Variants in SNTG1 observed in about 807,000 individuals in gnomAD.
The protein encoded by SNTG1 is syntrophin gamma 1.
A neutral mutation model predicts 74.7 loss-of-function variants in SNTG1; 39 were observed. The ratio of observed to expected loss-of-function variants is 0.52; its 90% CI spans 0.40 to 0.68. SNTG1 has a LOEUF of 0.68. Ranked by LOEUF, SNTG1 falls within the 30% of genes least tolerant of loss-of-function variation. The pLI, the probability that SNTG1 is intolerant of heterozygous loss-of-function variation, is 0.00. For missense variants in SNTG1, 685 were observed against 609.5 expected, an observed-to-expected ratio of 1.12 and a Z score of -1.30; for synonymous variants, 254 against 217.1, an observed-to-expected ratio of 1.17 and a Z score of -1.49.
chr8:50,271,624 C>T (rs1287250585), intron 2 of SNTG1, among the ~76,000 whole-genome samples: 1 of 152,068 alleles, frequency 6.6e-6, no homozygotes, highest in African/African-American at 2.4e-5. Flanking sequence ...AGGTATAATT[C>T]AGTTTTCTTT....
intron 1 of SNTG1, among the ~76,000 whole-genome samples, chr8:50,021,548 A>G (rs1431803958): frequency 1.3e-5 from 2 of 152,114 alleles, no homozygotes; most frequent in African/African-American, 4.8e-5. Flanking sequence ...AACTCTGGGA[A>G]CTCTAGTGGG....
intron 1 of SNTG1, among the ~76,000 whole-genome samples, chr8:50,149,387 T>G (rs942294982): frequency 9.2e-5 from 14 of 152,170 alleles, no homozygotes; most frequent in African/African-American, 4.8e-5. Flanking sequence ...CAGAAGCTCT[T>G]TAGTTTGATT....
At chr8:50,010,182 G>A (rs1815639455) in intron 1 of SNTG1, among the ~76,000 whole-genome samples, 1 of 152,032 alleles carries the variant, frequency 6.6e-6, no homozygotes, top group African/African-American at 2.4e-5. Flanking sequence ...ACTAGTTTGG[G>A]ATTGTGTCCA....
chr8:50,127,490 G>A (rs2081185933), intron 1 of SNTG1, among the ~76,000 whole-genome samples: 3 of 152,158 alleles, frequency 2.0e-5, no homozygotes, highest in Admixed American at 2.0e-4. Flanking sequence ...ACCGCCCAGT[G>A]GGTAGAGGGA....
At position 50,784,351 on chromosome 8, in the gene SNTG1, A is replaced by G. The variant is rs372192093; in HGVS notation, c.1396-8320A>G. ...GTTGCAAATAAAAGGATACAAATAT[A>G]TATATCTTGTATATAATAATGAAAA... On this transcript the variant is annotated intron_variant, in intron 18 of 18. Transcript: ENST00000642720. Among the ~76,000 whole-genome samples the G allele has an allele frequency of 7.2e-5, 11 of 152,308 alleles. No individual in the cohort carries two copies. The East Asian group carries it at 1.9e-3, about 27-fold the overall frequency.
At chr8:50,631,507 A>G (rs1434098044) in intron 13 of SNTG1, among the ~76,000 whole-genome samples, 8 of 152,192 alleles carry the variant, frequency 5.3e-5, no homozygotes, top group Non-Finnish European at 1.2e-4. Context: ...ACCTCATCAA[A>G]TTAACAGTGA....
At chr8:50,766,305 T>C (rs975260020) in intron 18 of SNTG1, among the ~76,000 whole-genome samples, 5 of 152,052 alleles carry the variant, frequency 3.3e-5, no homozygotes, top group Non-Finnish European at 7.4e-5. Context: ...CTGTGAGTGA[T>C]GTCTAAAAGT....
intron 1 of SNTG1, among the ~76,000 whole-genome samples, chr8:49,931,647 AAACT>A (rs1447281370): frequency 1.3e-5 from 2 of 152,244 alleles, no homozygotes; most frequent in Non-Finnish European, 2.9e-5. Context: ...GTTTATAAAC[AAACT>A]AACAAACAAA....
chr8:50,420,971 C>A (rs9643435), intron 4 of SNTG1, among the ~76,000 whole-genome samples: 137,953 of 146,156 alleles, frequency 0.94, 65,395 homozygotes, highest in Non-Finnish European at 1. Flanking sequence ...GTTATGGTGA[C>A]CCAAGACTAT....
At chr8:50,616,472 A>AGCT (rs1238591554) in intron 13 of SNTG1, among the ~76,000 whole-genome samples, 3 of 152,332 alleles carry the variant, frequency 2.0e-5, no homozygotes, top group Non-Finnish European at 1.5e-5. Context: ...AACAGGATTC[A>AGCT]GCTGCTGCTA....
intron 18 of SNTG1, among the ~76,000 whole-genome samples, chr8:50,775,450 T>C (rs1248645579): frequency 6.6e-6 from 1 of 151,836 alleles, no homozygotes; most frequent in African/African-American, 2.4e-5. Flanking sequence ...AAATTATTTT[T>C]GTTTTCTTTC....
intron 2 of SNTG1, among the ~76,000 whole-genome samples, chr8:50,252,383 G>A (rs535463835): frequency 6.6e-6 from 1 of 151,914 alleles, no homozygotes; most frequent in Non-Finnish European, 1.5e-5. Context: ...ACAAAATAGA[G>A]ACTAAAATAA....
chr8:50,114,087 T>TAATA (rs766417968), intron 1 of SNTG1, among the ~76,000 whole-genome samples: 14 of 152,106 alleles, frequency 9.2e-5, no homozygotes, highest in Non-Finnish European at 1.6e-4. Context: ...ATATTCGACA[T>TAATA]AATAACTAAC....
chr8:50,027,905 C>T lies in SNTG1; in HGVS notation c.-103+115674C>T, dbSNP rs566555450. Among the ~76,000 whole-genome samples the T allele has an allele frequency of 3.9e-5, 6 of 152,324 alleles. No homozygotes were observed. The South Asian group carries it at 1.2e-3, about 32-fold the overall frequency. On this transcript the variant is annotated intron_variant, in intron 1 of 18. Transcript: ENST00000642720. ...TTTTAATCTTTTCATTTTGGACTAA[C>T]TCACAGAAAGCTGCAGAAATAGTAC...
At chr8:50,603,866 G>C (rs565968908) in intron 13 of SNTG1, among the ~76,000 whole-genome samples, 1 of 152,252 alleles carries the variant, frequency 6.6e-6, no homozygotes, top group East Asian at 1.9e-4. Flanking sequence ...TGGAGGATGG[G>C]TGATGCAAGA....
intron 18 of SNTG1, among the ~76,000 whole-genome samples, chr8:50,774,797 C>A (rs1364935271): frequency 6.6e-6 from 1 of 151,280 alleles, no homozygotes; most frequent in Non-Finnish European, 1.5e-5. Context: ...AAGTGTATGA[C>A]AATAATAACC....
At chr8:49,963,267 G>A (rs957426806) in intron 1 of SNTG1, among the ~76,000 whole-genome samples, 6 of 151,836 alleles carry the variant, frequency 4.0e-5, no homozygotes, top group Non-Finnish European at 7.3e-5. Flanking sequence ...CTGTATGAAC[G>A]GTTTGCTGCA....
At chr8:50,072,398 T>C (rs547341723) in intron 1 of SNTG1, among the ~76,000 whole-genome samples, 2 of 152,334 alleles carry the variant, frequency 1.3e-5, no homozygotes, top group East Asian at 3.9e-4. Flanking sequence ...GAATATGAGT[T>C]ATTCTTTAGG....
intron 1 of SNTG1, among the ~76,000 whole-genome samples, chr8:50,079,090 G>A (rs1017994434): frequency 1.3e-5 from 2 of 152,088 alleles, no homozygotes; most frequent in Admixed American, 1.3e-4. Flanking sequence ...GGGATTGGTG[G>A]GTCTAATAGT....
Sources: gnomAD v4.1 joint callset for allele counts (sites outside exome capture counted in the v4.1 genomes callset) on GRCh38, gnomAD v4.1.1 for gene constraint, MANE v1.5 for transcripts, NCBI Gene and HGNC (gene_info 2026-07-23, HGNC 2026-07-21) for gene names.